Variants in ATG7 observed in about 807,000 individuals in gnomAD.
ATG7 encodes autophagy related 7, also known as ubiquitin-like modifier-activating enzyme ATG7.
Under a neutral mutation model 82.4 loss-of-function variants are expected in ATG7, and 70 were observed. The observed-to-expected ratio is 0.85, with a 90% CI of 0.70 to 1.04. ATG7 has a LOEUF of 1.04. ATG7 is among the 50% of genes least tolerant of loss of function. ATG7 has a pLI of 0.00. For synonymous variants in ATG7, 287 were observed against 313.0 expected (o/e 0.92, Z 0.88); for missense variants, 792 against 864.3 (o/e 0.92, Z 1.05).
chr3:11,334,900 G>A (rs1365860884), intron 11 of ATG7, among the ~76,000 whole-genome samples: 12 of 147,378 alleles, frequency 8.1e-5, no homozygotes, highest in Non-Finnish European at 1.3e-4. Context: ...GAGGTGTAGT[G>A]AGCCGACTGC....
rs10591303 is a variant in ATG7, at chr3:11,404,125, A to ATTTT, written c.1957-22657_1957-22654dup. 1.6e-3 allele frequency among the ~76,000 whole-genome samples: 122 copies of ATTTT among 76,898 alleles called. 1 individual carries two copies. The highest frequency in any genetic ancestry group is 0.011 in the Middle Eastern group (1 of 88). 50.4% of individuals were successfully genotyped at this position (76,898 alleles called of 152,430 possible). Reference sequence around the variant, plus strand: ...AATGTCCTGCTTATTAACCAGCTCAATTTTTTTTTTTTTTTTTTTTTTTTT... The same window carrying ATTTT: ...AATGTCCTGCTTATTAACCAGCTCAATTTTTTTTTTTTTTTTTTTTTTTTTTTTT... On this transcript the variant is annotated intron_variant, in intron 19 of 20. Transcript: ENST00000693202.
At chr3:11,551,350 G>A (rs2071762556) in intron 20 of ATG7, among the ~76,000 whole-genome samples, 1 of 152,172 alleles carries the variant, frequency 6.6e-6, no homozygotes, top group African/African-American at 2.4e-5. Flanking sequence ...GAAAACATTT[G>A]TTAACTTTGA....
chr3:11,481,133 G>GT (rs1304063115), intron 20 of ATG7, among the ~76,000 whole-genome samples: 2 of 152,164 alleles, frequency 1.3e-5, no homozygotes, highest in Admixed American at 1.3e-4. Context: ...CATGTGCTTT[G>GT]TGCAGAGCAC....
chr3:11,425,811 C>T (rs1261885630), intron 19 of ATG7, among the ~76,000 whole-genome samples: 2 of 152,214 alleles, frequency 1.3e-5, no homozygotes, highest in Non-Finnish European at 2.9e-5. Context: ...GTGCCCCTTA[C>T]AGTCTCTCTG....
intron 14 of ATG7, among the ~76,000 whole-genome samples, chr3:11,352,396 T>C (rs2075623823): frequency 6.6e-6 from 1 of 152,220 alleles, no homozygotes; most frequent in South Asian, 2.1e-4. Flanking sequence ...CAAATAGTAT[T>C]TCTAGTTCTA....
At chr3:11,373,864 G>A (rs1203165948) in intron 18 of ATG7, among the ~76,000 whole-genome samples, 2 of 152,172 alleles carry the variant, frequency 1.3e-5, no homozygotes, top group Non-Finnish European at 2.9e-5. Context: ...CATATGAATG[G>A]TGGCAAGTCA....
chr3:11,495,352 C>T (rs1463451811), intron 20 of ATG7, among the ~76,000 whole-genome samples: 3 of 152,092 alleles, frequency 2.0e-5, no homozygotes, highest in African/African-American at 4.8e-5. Context: ...AAAGCTTTAC[C>T]GGGTGAGGGA....
At chr3:11,335,040 C>T (rs1481096509) in intron 11 of ATG7, among the ~76,000 whole-genome samples, 1 of 151,374 alleles carries the variant, frequency 6.6e-6, no homozygotes, top group Non-Finnish European at 1.5e-5. Context: ...GCCCACATGA[C>T]ATTTTTTCAG....
At chr3:11,486,976 C>T (rs1204751945) in intron 20 of ATG7, among the ~76,000 whole-genome samples, 1 of 151,692 alleles carries the variant, frequency 6.6e-6, no homozygotes, top group East Asian at 1.9e-4. Context: ...GCAGAGGACC[C>T]TGCGGCCTTC....
intron 3 of ATG7, among the ~76,000 whole-genome samples, chr3:11,293,932 C>T (rs1181172312): frequency 4.0e-5 from 6 of 149,948 alleles, no homozygotes; most frequent in East Asian, 2.0e-4. Flanking sequence ...GCAGGAGAAT[C>T]GCTTGAACCT....
At chr3:11,319,457 G>A (rs1430934759) in intron 9 of ATG7, among the ~76,000 whole-genome samples, 2 of 152,176 alleles carry the variant, frequency 1.3e-5, no homozygotes, top group Non-Finnish European at 2.9e-5. Flanking sequence ...CTCATGTGTA[G>A]GATGGAGAAA....
At chr3:11,485,784 T>C (rs1487484888) in intron 20 of ATG7, among the ~76,000 whole-genome samples, 1 of 152,212 alleles carries the variant, frequency 6.6e-6, no homozygotes, top group Non-Finnish European at 1.5e-5. Context: ...CCCAGCACCA[T>C]TTATTAAATA....
intron 11 of ATG7, 108 bp downstream of exon 11, chr3:11,333,201 G>A: frequency 7.3e-7 from 1 of 1,362,728 alleles, no homozygotes; most frequent in Non-Finnish European, 9.6e-7. Flanking sequence ...GAAGAGAAAA[G>A]TACAACTTGT....
At chr3:11,297,932 C>T (rs1458639960) in intron 3 of ATG7, among the ~76,000 whole-genome samples, 1 of 152,142 alleles carries the variant, frequency 6.6e-6, no homozygotes, top group Non-Finnish European at 1.5e-5. Context: ...CAGACTGACT[C>T]AAGGAAGGAA....
At chr3:11,331,952 C>A (rs1951706654) in intron 10 of ATG7, among the ~76,000 whole-genome samples, 1 of 152,126 alleles carries the variant, frequency 6.6e-6, no homozygotes, top group Non-Finnish European at 1.5e-5. Flanking sequence ...AGATGTGGAG[C>A]AAATACTGCT....
chr3:11,486,939 G>A (rs1311534520), intron 20 of ATG7, among the ~76,000 whole-genome samples: 4 of 151,296 alleles, frequency 2.6e-5, no homozygotes, highest in Non-Finnish European at 5.9e-5. Context: ...AGATAAACAA[G>A]TGAACAAAGG....
intron 5 of ATG7, among the ~76,000 whole-genome samples, chr3:11,301,179 G>A (rs1040704769): frequency 2.0e-5 from 3 of 152,148 alleles, no homozygotes; most frequent in Non-Finnish European, 2.9e-5. Flanking sequence ...GAAGCACAGA[G>A]GTCAATGCGA....
intron 20 of ATG7, among the ~76,000 whole-genome samples, chr3:11,478,524 G>A (rs1255837210): frequency 1.3e-5 from 2 of 152,296 alleles, no homozygotes; most frequent in South Asian, 2.1e-4. Context: ...CAGAGAGCAC[G>A]TTTTTAGCCA....
intron 20 of ATG7, among the ~76,000 whole-genome samples, chr3:11,458,913 T>C (rs1042098302): frequency 2.0e-5 from 3 of 152,072 alleles, no homozygotes; most frequent in African/African-American, 7.2e-5. Context: ...TAGATTCTCA[T>C]AGGGGCGGGA....
Sources: allele counts gnomAD v4.1 joint callset (sites outside exome capture counted in the v4.1 genomes callset), GRCh38; gene constraint gnomAD v4.1.1; transcripts MANE v1.5; gene names NCBI Gene and HGNC (gene_info 2026-07-23, HGNC 2026-07-21).